Variants in DOCK1 observed in about 807,000 individuals in gnomAD.
DOCK1 encodes the protein dedicator of cytokinesis protein 1.
Under a neutral mutation model 262.7 loss-of-function variants are expected in DOCK1, and 138 were observed. The ratio of observed to expected loss-of-function variants is 0.53; its 90% CI spans 0.46 to 0.61. The LOEUF (loss-of-function observed/expected upper bound fraction) is 0.61. Ranked by LOEUF, DOCK1 falls within the 20% of genes least tolerant of loss-of-function variation. The probability of loss-of-function intolerance (pLI) is 0.00; values close to 1 mark genes in which losing one functional copy is unlikely to be tolerated. For missense variants in DOCK1, 1,908 were observed against 2,370.7 expected (o/e 0.80, Z 4.05); for synonymous variants, 866 against 867.4 (o/e 1.00, Z 0.03).
chr10:127,281,472 C>A (rs974876019), intron 29 of DOCK1, among the ~76,000 whole-genome samples: 2 of 152,144 alleles, frequency 1.3e-5, no homozygotes, highest in Non-Finnish European at 2.9e-5. Context: ...CTCAGAAGGA[C>A]GTTTCACTCC....
At chr10:126,913,852 A>G (rs1198361182) in intron 1 of DOCK1, among the ~76,000 whole-genome samples, 1 of 152,192 alleles carries the variant, frequency 6.6e-6, no homozygotes, top group Non-Finnish European at 1.5e-5. Flanking sequence ...CCGTCTTTGA[A>G]TATCAGCCTG....
intron 23 of DOCK1, among the ~76,000 whole-genome samples, chr10:127,073,026 C>G (rs1189087280): frequency 6.6e-6 from 1 of 152,210 alleles, no homozygotes; most frequent in Non-Finnish European, 1.5e-5. Context: ...CCTGCAAACG[C>G]TCATCTGCAC....
intron 40 of DOCK1, among the ~76,000 whole-genome samples, chr10:127,408,725 C>G (rs2067666771): frequency 1.3e-5 from 2 of 152,192 alleles, no homozygotes; most frequent in Non-Finnish European, 2.9e-5. Context: ...GTGTGGGCTT[C>G]TGAGTGCTCA....
At chr10:127,006,947 G>A (rs112848888) in intron 10 of DOCK1, among the ~76,000 whole-genome samples, 1,997 of 152,246 alleles carry the variant, frequency 0.013, 32 homozygotes, top group Non-Finnish European at 0.02. Flanking sequence ...GTTTATTGAA[G>A]GATGCTGAAC....
At chr10:127,218,621 C>T (rs115111201) in intron 27 of DOCK1, among the ~76,000 whole-genome samples, 626 of 152,248 alleles carry the variant, frequency 4.1e-3, no homozygotes, top group African/African-American at 0.015. Flanking sequence ...CACACATGAC[C>T]GTATGGACTC....
At chr10:127,162,111 C>T (rs1475037242) in intron 27 of DOCK1, among the ~76,000 whole-genome samples, 1 of 152,186 alleles carries the variant, frequency 6.6e-6, no homozygotes, top group Non-Finnish European at 1.5e-5. Context: ...TTTCTCTTTT[C>T]TCCAGCTCTT....
chr10:126,985,441 C>T (rs1326565472), intron 4 of DOCK1, among the ~76,000 whole-genome samples: 2 of 152,110 alleles, frequency 1.3e-5, no homozygotes, highest in East Asian at 3.9e-4. Context: ...TGTGTTAATG[C>T]CAGCTGGCAC....
chr10:127,293,281 G>A (rs903872730), intron 29 of DOCK1, among the ~76,000 whole-genome samples: 1 of 152,208 alleles, frequency 6.6e-6, no homozygotes, highest in Non-Finnish European at 1.5e-5. Flanking sequence ...TGCTGTAACT[G>A]ATGTGCAATC....
intron 12 of DOCK1, among the ~76,000 whole-genome samples, chr10:127,017,806 CCGT>C (rs35792949): frequency 0.4 from 61,279 of 151,846 alleles, 12,616 homozygotes; most frequent in African/African-American, 0.48. Context: ...GGAAAAGATG[CCGT>C]CGTCGTAGAA....
chr10:127,070,322 C>T lies in DOCK1; in HGVS notation c.2445+8546C>T, dbSNP rs2046150231. Among the ~76,000 whole-genome samples the T allele has an allele frequency of 2.3e-5, 3 of 127,936 alleles. No homozygotes were observed. In the South Asian group the frequency reaches 7.6e-4, roughly 33 times the overall value. 83.9% of individuals were successfully genotyped at this position (127,936 alleles called of 152,430 possible). A position where few individuals can be genotyped will look rare whatever the true frequency, so the allele number is the denominator to read the frequency against. ...AGGCTGGAGAGCAGTGGTGTGATCT[C>T]GGCTCACTGCAACCTCCACCTCCCG... On this transcript the variant is annotated intron_variant, in intron 23 of 51. Transcript: ENST00000623213.
chr10:126,907,386 T>TG (rs1008985610), intron 1 of DOCK1, among the ~76,000 whole-genome samples: 5 of 151,964 alleles, frequency 3.3e-5, no homozygotes, highest in Non-Finnish European at 5.9e-5. Context: ...TAGTGGCCAT[T>TG]GGGGGTGTAG....
chr10:127,213,036 A>T (rs566962993), intron 27 of DOCK1, among the ~76,000 whole-genome samples: 1 of 152,250 alleles, frequency 6.6e-6, no homozygotes, highest in Non-Finnish European at 1.5e-5. Context: ...TCCCCTTTCT[A>T]TCCATCCCCT....
At chr10:127,260,814 C>A (rs2060015153) in intron 29 of DOCK1, among the ~76,000 whole-genome samples, 1 of 63,338 alleles carries the variant, frequency 1.6e-5, no homozygotes, top group African/African-American at 6.5e-5. Flanking sequence ...TCTGTGTGTC[C>A]CTGCATGTGT....
intron 19 of DOCK1, among the ~76,000 whole-genome samples, chr10:127,038,613 T>C (rs1043844490): frequency 1.3e-5 from 2 of 152,196 alleles, no homozygotes; most frequent in South Asian, 2.1e-4. Context: ...ATCACGACAC[T>C]GAGAGGCTTG....
intron 47 of DOCK1, among the ~76,000 whole-genome samples, 166 bp downstream of exon 47, chr10:127,426,177 G>C (rs574588771): frequency 6.6e-6 from 1 of 152,300 alleles, no homozygotes; most frequent in African/African-American, 2.4e-5. Context: ...TTGTCTACCG[G>C]CAACTCAGCA....
intron 27 of DOCK1, among the ~76,000 whole-genome samples, chr10:127,187,671 G>A (rs1441142229): frequency 6.6e-6 from 1 of 151,824 alleles, no homozygotes; most frequent in Non-Finnish European, 1.5e-5. Flanking sequence ...TCGCTCCCTC[G>A]AAGGCCACAC....
rs1378720000 is a variant in DOCK1 at position 127,259,788 on chromosome 10, G to T, written c.3044+2359G>T. ...AATAGTCAAAATCTACTTAGTTCAT[G>T]ATTTTTTTTTTTTTTTTTTATAATT... On this transcript the variant is annotated intron_variant, in intron 29 of 51. Coordinates refer to ENST00000623213, the MANE Select transcript of DOCK1 (RefSeq NM_001290223.2). Among the ~76,000 whole-genome samples the T allele has an allele frequency of 5.5e-5, 4 of 72,192 alleles. No individual in the cohort carries two copies. The East Asian group carries it at 2.0e-3, about 36-fold the overall frequency. The allele number at this position is 72,192 out of a possible 152,430, so 47.4% of individuals were successfully genotyped here.
chr10:126,946,725 C>T (rs1591394895), intron 1 of DOCK1, among the ~76,000 whole-genome samples: 1 of 152,160 alleles, frequency 6.6e-6, no homozygotes, highest in East Asian at 1.9e-4. Flanking sequence ...CGGGTTCATC[C>T]ATGTCACAGC....
intron 28 of DOCK1, 82 bp from the exon 29 acceptor site, chr10:127,257,252 AT>A: frequency 8.9e-7 from 1 of 1,123,398 alleles, no homozygotes; most frequent in Non-Finnish European, 1.3e-6. Flanking sequence ...AAAATGGGGT[AT>A]TTTATAATCT....
Sources: gnomAD v4.1 joint callset for allele counts (sites outside exome capture counted in the v4.1 genomes callset) on GRCh38, gnomAD v4.1.1 for gene constraint, MANE v1.5 for transcripts, NCBI Gene and HGNC (gene_info 2026-07-23, HGNC 2026-07-21) for gene names.